The following TMEM132D variants were observed in gnomAD, a reference collection of about 807,000 sequenced individuals.
TMEM132D encodes the protein mature OL transmembrane protein.
A neutral mutation model predicts 62.3 loss-of-function variants in TMEM132D; 21 were observed. The ratio of observed to expected loss-of-function variants is 0.34; its 90% CI spans 0.24 to 0.49. TMEM132D has a LOEUF of 0.49. Among genes scored for constraint, TMEM132D ranks in the 20% least tolerant of loss-of-function variants. TMEM132D has a pLI of 0.99. For synonymous variants in TMEM132D, 621 were observed against 575.6 expected, an observed-to-expected ratio of 1.08 and a Z score of -1.13; for missense variants, 1,346 against 1,402.8, an observed-to-expected ratio of 0.96 and a Z score of 0.65.
At chr12:129,772,103 C>G (rs146203466) in intron 1 of TMEM132D, among the ~76,000 whole-genome samples, 3 of 151,920 alleles carry the variant, frequency 2.0e-5, no homozygotes, top group Non-Finnish European at 4.4e-5. Context: ...GTGGAAGAAG[C>G]CTTTTTAAAA....
chr12:129,755,852 C>T (rs899169984), intron 1 of TMEM132D, among the ~76,000 whole-genome samples: 7 of 152,132 alleles, frequency 4.6e-5, no homozygotes, highest in Admixed American at 1.3e-4. Flanking sequence ...GTCTTAGAGT[C>T]AAACTTTCTC....
At chr12:129,787,313 G>T (rs74790701) in intron 1 of TMEM132D, among the ~76,000 whole-genome samples, 1,863 of 152,252 alleles carry the variant, frequency 0.012, 32 homozygotes, top group African/African-American at 0.043. Context: ...GAAGGAAAAA[G>T]AATGTTTTTC....
intron 2 of TMEM132D, among the ~76,000 whole-genome samples, chr12:129,684,388 T>A (rs948136722): frequency 6.6e-6 from 1 of 152,108 alleles, no homozygotes; most frequent in Admixed American, 6.5e-5. Context: ...AAAGAAGACA[T>A]GTTTGCTTCC....
chr12:129,324,830 G>A (rs3850003), intron 4 of TMEM132D, among the ~76,000 whole-genome samples: 70,520 of 151,462 alleles, frequency 0.47, 16,892 homozygotes, highest in East Asian at 0.65. Context: ...TCCATCTCAA[G>A]AAAAAAAGAA....
chr12:129,886,048 G>A (rs763376387), intron 1 of TMEM132D, among the ~76,000 whole-genome samples: 4 of 152,062 alleles, frequency 2.6e-5, no homozygotes, highest in Non-Finnish European at 5.9e-5. Flanking sequence ...TCTCCTCACT[G>A]TAAGATTCTC....
At chr12:129,345,287 A>C (rs1163646085) in intron 3 of TMEM132D, among the ~76,000 whole-genome samples, 2 of 152,214 alleles carry the variant, frequency 1.3e-5, no homozygotes, top group Admixed American at 6.5e-5. Context: ...GCTGGCCTTC[A>C]AAACCTGTCT....
At position 129,688,996 on chromosome 12, in the gene TMEM132D, G is replaced by A. The variant is rs552215955; in HGVS notation, c.968+10814C>T. Among the ~76,000 whole-genome samples the A allele has an allele frequency of 2.2e-4, 33 of 152,180 alleles. No individual in the cohort carries two copies. In the East Asian group the frequency reaches 2.3e-3, roughly 11 times the overall value. ...CAATATCTGGACATATTTTTCAGTC[G>A]TCAAATGGGTGGTAGCAGTTAACAG... On this transcript the variant is annotated intron_variant, in intron 2 of 8. Transcript: ENST00000422113.
intron 8 of TMEM132D, among the ~76,000 whole-genome samples, chr12:129,078,276 C>G (rs1874343203): frequency 6.6e-6 from 1 of 152,220 alleles, no homozygotes; most frequent in Admixed American, 6.5e-5. Flanking sequence ...GCTCCTGCCC[C>G]TTAATGGCTT....
At chr12:129,540,023 G>C (rs1434698630) in intron 2 of TMEM132D, among the ~76,000 whole-genome samples, 1 of 151,896 alleles carries the variant, frequency 6.6e-6, no homozygotes, top group Non-Finnish European at 1.5e-5. Context: ...GAATACATCT[G>C]AATCCACCTA....
intron 3 of TMEM132D, among the ~76,000 whole-genome samples, chr12:129,512,526 G>C (rs1875525242): frequency 6.6e-6 from 1 of 152,210 alleles, no homozygotes; most frequent in Non-Finnish European, 1.5e-5. Context: ...CAATATTGTA[G>C]TGTAACAAAA....
chr12:129,362,529 A>T (rs933883082), intron 3 of TMEM132D, among the ~76,000 whole-genome samples: 9 of 146,212 alleles, frequency 6.2e-5, no homozygotes, highest in East Asian at 2.0e-4. Flanking sequence ...CATGACATTT[A>T]AAAAAAAAAC....
intron 8 of TMEM132D, among the ~76,000 whole-genome samples, chr12:129,078,234 A>G (rs1874341598): frequency 1.3e-5 from 2 of 152,242 alleles, no homozygotes; most frequent in African/African-American, 2.4e-5. Context: ...CACTTGCACT[A>G]TGGTGGATGA....
chr12:129,333,756 T>C (rs1566036406), intron 4 of TMEM132D, among the ~76,000 whole-genome samples: 1 of 152,138 alleles, frequency 6.6e-6, no homozygotes, highest in African/African-American at 2.4e-5. Context: ...CCTAGACTGA[T>C]GGGGTGGGAG....
At chr12:129,780,895 T>C (rs893964009) in intron 1 of TMEM132D, among the ~76,000 whole-genome samples, 10 of 152,302 alleles carry the variant, frequency 6.6e-5, no homozygotes, top group African/African-American at 2.4e-4. Context: ...AACTTAGCAG[T>C]ATTCCAGTAA....
At chr12:129,510,538 C>A (rs1294062991) in intron 3 of TMEM132D, among the ~76,000 whole-genome samples, 3 of 152,090 alleles carry the variant, frequency 2.0e-5, no homozygotes, top group Non-Finnish European at 2.9e-5. Context: ...AATCTTTGCC[C>A]AGATCAATGT....
chr12:129,557,390 G>C (rs1362943744), intron 2 of TMEM132D, among the ~76,000 whole-genome samples: 1 of 152,136 alleles, frequency 6.6e-6, no homozygotes, highest in Non-Finnish European at 1.5e-5. Context: ...GTGTTTAAGG[G>C]GTGAAGAGGT....
chr12:129,747,866 GAC>G (rs1465472083), intron 1 of TMEM132D, among the ~76,000 whole-genome samples: 3 of 22,280 alleles, frequency 1.3e-4, no homozygotes, highest in Admixed American at 5.1e-4. Flanking sequence ...ACACACACAC[GAC>G]ACACACACAC....
intron 1 of TMEM132D, among the ~76,000 whole-genome samples, chr12:129,764,801 T>G (rs1296871293): frequency 2.0e-5 from 3 of 151,836 alleles, no homozygotes; most frequent in African/African-American, 7.3e-5. Flanking sequence ...AATTAGCTGG[T>G]GTGGTGATAC....
intron 2 of TMEM132D, among the ~76,000 whole-genome samples, chr12:129,652,391 T>C (rs1298345911): frequency 6.6e-6 from 1 of 152,194 alleles, no homozygotes; most frequent in Non-Finnish European, 1.5e-5. Flanking sequence ...CCCTGGAACC[T>C]GCGAATGTAT....
Sources: gnomAD v4.1 joint callset for allele counts (sites outside exome capture counted in the v4.1 genomes callset) on GRCh38, gnomAD v4.1.1 for gene constraint, MANE v1.5 for transcripts, NCBI Gene and HGNC (gene_info 2026-07-23, HGNC 2026-07-21) for gene names.